The following NECAB2 variants were observed in gnomAD, a reference collection of about 807,000 sequenced individuals.
NECAB2 encodes the protein N-terminal EF-hand calcium-binding protein 2.
A neutral mutation model predicts 51.9 loss-of-function variants in NECAB2; 68 were observed. The ratio of observed to expected loss-of-function variants is 1.31; its 90% confidence interval spans 1.08 to 1.60. The LOEUF is 1.60. Ranked by LOEUF, NECAB2 falls within the 40% of genes most tolerant of loss-of-function variation. NECAB2 has a pLI of 0.00. For missense variants in NECAB2, 854 were observed against 490.3 expected (o/e 1.74, Z -7.00); for synonymous variants, 329 against 203.5 (o/e 1.62, Z -5.25).
At chr16:83,968,904 C>A in intron 1 of NECAB2, 55 bp downstream of exon 1, 1 of 1,038,502 alleles carries the variant, frequency 9.6e-7, no homozygotes, top group South Asian at 4.6e-5. Flanking sequence ...ACCCGGAGCC[C>A]CCTCCGCCCC....
chr16:83,999,861 TTGATTTTTAAAGG>T (rs1406309484), intron 10 of NECAB2, among the ~76,000 whole-genome samples: 2 of 145,004 alleles, frequency 1.4e-5, no homozygotes, highest in Admixed American at 1.3e-4. Context: ...GGAAGATGCT[TTGATTTTTAAAGG>T]TTTTTTGATT....
chr16:83,985,668 A>G (rs1313140092), intron 5 of NECAB2, among the ~76,000 whole-genome samples: 2 of 151,896 alleles, frequency 1.3e-5, no homozygotes, highest in African/African-American at 4.8e-5. Flanking sequence ...TGGCGTTCCC[A>G]TAGCAATCAC....
At chr16:83,977,014 G>A (rs753564054) in intron 2 of NECAB2, among the ~76,000 whole-genome samples, 3 of 152,246 alleles carry the variant, frequency 2.0e-5, no homozygotes, top group Non-Finnish European at 2.9e-5. Flanking sequence ...CCGAGGAAAT[G>A]GAGGGTTTCA....
intron 8 of NECAB2, among the ~76,000 whole-genome samples, chr16:83,996,664 G>C (rs1260354250): frequency 1.3e-5 from 2 of 152,084 alleles, no homozygotes; most frequent in Non-Finnish European, 2.9e-5. Flanking sequence ...CAGAGCCGGG[G>C]TTCTCTGCCG....
chr16:83,980,749 G>A, intron 3 of NECAB2, 90 bp from the exon 4 acceptor site: 1 of 1,483,290 alleles, frequency 6.7e-7, no homozygotes, highest in South Asian at 1.2e-5. Context: ...CAAAGAGCAG[G>A]CAGGATGTGT....
intron 8 of NECAB2, among the ~76,000 whole-genome samples, chr16:83,996,278 C>T (rs1415092657): frequency 3.3e-5 from 5 of 152,234 alleles, no homozygotes; most frequent in African/African-American, 4.8e-5. Flanking sequence ...CTGCCAGGCA[C>T]ACCTTCACCA....
intron 8 of NECAB2, among the ~76,000 whole-genome samples, chr16:83,996,363 G>C (rs976347534): frequency 6.6e-6 from 1 of 152,222 alleles, no homozygotes; most frequent in Non-Finnish European, 1.5e-5. Context: ...ACAGAGCCCA[G>C]TGCAAAATGA....
intron 6 of NECAB2, chr16:83,993,588 C>T (rs1048117579): frequency 2.0e-5 from 3 of 151,952 alleles, no homozygotes; most frequent in African/African-American, 7.4e-5. Flanking sequence ...TTTTTGAGTC[C>T]CTACTATGTG....
chr16:83,972,539 C>A (rs1220143950), intron 2 of NECAB2, among the ~76,000 whole-genome samples: 1 of 152,198 alleles, frequency 6.6e-6, no homozygotes, highest in Non-Finnish European at 1.5e-5. Context: ...TGAAAGGAAG[C>A]CGCCAGCCTC....
At chr16:83,965,522 C>T (rs371338463), upstream of NECAB2, 26 of 1,612,344 alleles carry the variant, frequency 1.6e-5, no homozygotes, top group South Asian at 2.2e-5. Context: ...TGCCTTCCGC[C>T]GGGCCGTGGA....
Position 84,002,717 on chromosome 16 carries a change from C to G in NECAB2, c.*371C>G, listed in dbSNP as rs1335849537. 9 of 273,300 alleles carry G rather than the reference C, an allele frequency of 3.3e-5. No homozygotes were observed. Among genetic ancestry groups the G allele is most frequent in the Non-Finnish European group, 5.6e-5 (8 of 141,862 alleles). 16.9% of individuals were successfully genotyped at this position (273,300 alleles called of 1,614,324 possible). On this transcript the variant is annotated 3_prime_UTR_variant, in exon 13 of 13. Transcript: ENST00000305202. Reference sequence around the variant, plus strand: ...AGTAGGAGTCATGCCCCTGTAGTGCCCAACCTAGCCAGGTAGCCACCACTG... The same window carrying G: ...AGTAGGAGTCATGCCCCTGTAGTGCGCAACCTAGCCAGGTAGCCACCACTG...
At chr16:83,988,839 C>G (rs895303362) in intron 5 of NECAB2, among the ~76,000 whole-genome samples, 5 of 152,168 alleles carry the variant, frequency 3.3e-5, no homozygotes, top group East Asian at 1.9e-4. Flanking sequence ...AGTCCCCCCC[C>G]ATTATGTAAT....
chr16:83,998,897 G>A (rs1597228671), intron 10 of NECAB2, among the ~76,000 whole-genome samples: 1 of 152,222 alleles, frequency 6.6e-6, no homozygotes, highest in African/African-American at 2.4e-5. Flanking sequence ...CCTTGGTAAA[G>A]CTAAGGCATG....
intron 5 of NECAB2, among the ~76,000 whole-genome samples, chr16:83,984,523 G>C (rs998390943): frequency 6.6e-6 from 1 of 151,868 alleles, no homozygotes; most frequent in Non-Finnish European, 1.5e-5. Flanking sequence ...AGAAGTTCAA[G>C]ACCACCCTGG....
chr16:83,994,570 C>A (rs2084670684), intron 7 of NECAB2, 39 bp from the exon 8 acceptor site: 1 of 1,612,464 alleles, frequency 6.2e-7, no homozygotes, highest in Admixed American at 1.7e-5. Context: ...CCTCGTCCTG[C>A]CCACCACTGA....
rs911309415 is a variant in NECAB2, at chr16:83,968,529, G to T, written c.-120G>T. 2 of 829,060 alleles carry T rather than the reference G, an allele frequency of 2.4e-6. No individual in the cohort carries two copies. The highest frequency in any genetic ancestry group is 6.5e-5 in the Admixed American group (1 of 15,496). The allele number at this position is 829,060 out of a possible 1,614,324, so 51.4% of individuals were successfully genotyped here. On this transcript the variant is annotated 5_prime_UTR_variant, in exon 1 of 13. Transcript: ENST00000305202. ...CAGTCCCCGCGGTGTCCGCGGCCGC[G>T]GGGGCAGCGGGAGAGAGGGCGGGGC...
chr16:84,000,148 C>T (rs2037588879), intron 10 of NECAB2, among the ~76,000 whole-genome samples: 2 of 152,136 alleles, frequency 1.3e-5, no homozygotes, highest in Non-Finnish European at 2.9e-5. Context: ...TGCCTCGACC[C>T]CTCAAGACTT....
chr16:84,000,156 C>G (rs2084798524), intron 10 of NECAB2, among the ~76,000 whole-genome samples: 1 of 152,148 alleles, frequency 6.6e-6, no homozygotes, highest in African/African-American at 2.4e-5. Context: ...CCCCTCAAGA[C>G]TTCCCAAAGT....
intron 2 of NECAB2, among the ~76,000 whole-genome samples, chr16:83,977,533 G>A (rs1597201061): frequency 6.6e-6 from 1 of 152,032 alleles, no homozygotes; most frequent in South Asian, 2.1e-4. Flanking sequence ...AAGGTGAGGC[G>A]ATGGGTGGGA....
Sources: gnomAD v4.1 joint callset for allele counts (sites outside exome capture counted in the v4.1 genomes callset) on GRCh38, gnomAD v4.1.1 for gene constraint, MANE v1.5 for transcripts, NCBI Gene and HGNC (gene_info 2026-07-23, HGNC 2026-07-21) for gene names.